WNT7B: variants seen among roughly 807,000 people sequenced by gnomAD.
WNT7B encodes the protein protein Wnt-7b.
WNT7B carries 19 observed loss-of-function variants against 38.2 expected under a neutral mutation model. That is an observed-to-expected ratio of 0.50 (90% CI 0.35 to 0.73). The LOEUF is 0.73. WNT7B is among the 30% of genes least tolerant of loss of function. The probability of loss-of-function intolerance (pLI) is 0.01; values close to 1 mark genes in which losing one functional copy is unlikely to be tolerated. For missense variants in WNT7B, 423 were observed against 507.9 expected, an observed-to-expected ratio of 0.83 and a Z score of 1.61; for synonymous variants, 243 against 209.3, an observed-to-expected ratio of 1.16 and a Z score of -1.39.
rs1932552697 is a variant in WNT7B at position 45,976,422 on chromosome 22, C to A, written c.71+262G>T. ...GAAAGTACGCGCCGGGCACGCTCGCCGCTACCCGCGAGCCCGGCCGGACCG... is the reference window on the plus strand; with the variant it reads ...GAAAGTACGCGCCGGGCACGCTCGCAGCTACCCGCGAGCCCGGCCGGACCG... On this transcript the variant is annotated intron_variant, in intron 1 of 3. Transcript: ENST00000339464. The surrounding 1 kb of genome is among the most constrained non-coding windows in gnomAD (Gnocchi z 8.5). Among the ~76,000 whole-genome samples the A allele has an allele frequency of 6.6e-6, 1 of 151,774 alleles. No individual in the cohort carries two copies. Among genetic ancestry groups the A allele is most frequent in the African/African-American group, 2.4e-5 (1 of 41,378 alleles).
chr22:45,956,426 G>A (rs774693557), intron 1 of WNT7B, among the ~76,000 whole-genome samples: 39 of 152,266 alleles, frequency 2.6e-4, no homozygotes, highest in Admixed American at 5.2e-4. Context: ...AGCCTCCCCC[G>A]GGAGATCAGG....
At chr22:45,960,476 C>T (rs1281141742) in intron 1 of WNT7B, among the ~76,000 whole-genome samples, 3 of 149,196 alleles carry the variant, frequency 2.0e-5, no homozygotes, top group Non-Finnish European at 4.5e-5. Flanking sequence ...CCCACCCCCC[C>T]AGCTGAGGGA....
In WNT7B at chr22:45,939,932, G is replaced by GGA. The variant is rs1931605157; in HGVS notation, c.299-8565_299-8564dup. On this transcript the variant is annotated intron_variant, in intron 2 of 3. Transcript: ENST00000339464. ...TTTCTATGAAATGCCCAGAGGAGCA[G>GGA]GAGTTGGAGAGTTAGACAGCACCTG... Among the ~76,000 whole-genome samples, 8 of 152,344 alleles carry GGA rather than the reference G, an allele frequency of 5.3e-5. No individual in the cohort carries two copies. In the South Asian group the frequency reaches 1.4e-3, roughly 28 times the overall value.
intron 3 of WNT7B, among the ~76,000 whole-genome samples, chr22:45,929,935 CTCATCCTT>C (rs1355246147): frequency 1.2e-3 from 59 of 49,392 alleles, no homozygotes; most frequent in African/African-American, 6.2e-3. Context: ...CATCCACCCA[CTCATCCTT>C]CCATCCATCC....
intron 1 of WNT7B, among the ~76,000 whole-genome samples, chr22:45,961,977 C>A (rs992583480): frequency 6.6e-6 from 1 of 152,214 alleles, no homozygotes; most frequent in African/African-American, 2.4e-5. Flanking sequence ...CTTTCCACGC[C>A]ACTGCTCTGC....
chr22:45,937,963 C>T (rs904346314), intron 2 of WNT7B, among the ~76,000 whole-genome samples: 5 of 151,910 alleles, frequency 3.3e-5, no homozygotes, highest in African/African-American at 1.2e-4. Flanking sequence ...GAGCCGAGAC[C>T]GCGCCATTGC....
Position 45,951,941 on chromosome 22 carries a change from C to G in WNT7B, c.72-1795G>C, listed in dbSNP as rs1424611540. 6.6e-6 allele frequency among the ~76,000 whole-genome samples: 1 copy of G among 152,190 alleles called. No individual in the cohort carries two copies. The highest frequency in any genetic ancestry group is 6.5e-5 in the Admixed American group (1 of 15,276). On this transcript the variant is annotated intron_variant, in intron 1 of 3. Coordinates refer to ENST00000339464, the MANE Select transcript of WNT7B (RefSeq NM_058238.3). The surrounding 1 kb of genome is among the most constrained non-coding windows in gnomAD (Gnocchi z 4.8). ...GTCCCTTCGCTTTCTGAGGACTTGC[C>G]GGACTGCCCTCCACAGCGGCTGCCC...
At chr22:45,926,562 C>A (rs909475490) in intron 3 of WNT7B, 1 of 985,388 alleles carries the variant, frequency 1.0e-6, no homozygotes, top group Non-Finnish European at 1.2e-6. Flanking sequence ...AGCCCAGGAG[C>A]CTGGCGTCCG....
rs1408300087 is a variant in WNT7B, at chr22:45,925,848, C to T, written c.571-2513G>A. ...CAGATGGGCCTGGATGGCCGGAGACCTGGCAGGCCTGTCCAGACTAGAGGG... is the reference window on the plus strand; with the variant it reads ...CAGATGGGCCTGGATGGCCGGAGACTTGGCAGGCCTGTCCAGACTAGAGGG... On this transcript the variant is annotated intron_variant, in intron 3 of 3. Coordinates refer to ENST00000339464, the MANE Select transcript of WNT7B (RefSeq NM_058238.3). 9 of 985,328 alleles carry T rather than the reference C, an allele frequency of 9.1e-6. No individual in the cohort carries two copies. The African/African-American group carries it at 1.2e-4, about 13-fold the overall frequency. The allele number at this position is 985,328 out of a possible 1,614,324, so 61.0% of individuals were successfully genotyped here.
intron 3 of WNT7B, among the ~76,000 whole-genome samples, chr22:45,929,901 TATCTACCCATCC>T (rs1931272494): frequency 1.2e-5 from 1 of 85,140 alleles, no homozygotes; most frequent in Non-Finnish European, 2.4e-5. Context: ...TCCACTCATC[TATCTACCCATCC>T]ATCTATCCTC....
rs1194290467 is a variant in WNT7B at position 45,966,297 on chromosome 22, G to T, written c.71+10387C>A. Among the ~76,000 whole-genome samples the T allele has an allele frequency of 6.6e-6, 1 of 152,196 alleles. No individual in the cohort carries two copies. Among genetic ancestry groups the T allele is most frequent in the African/African-American group, 2.4e-5 (1 of 41,440 alleles). On this transcript the variant is annotated intron_variant, in intron 1 of 3. Coordinates refer to ENST00000339464, the MANE Select transcript of WNT7B (RefSeq NM_058238.3). This position sits in a 1 kb window ranked among gnomAD's most constrained non-coding sequence, Gnocchi z 4.2. Reference sequence around the variant, plus strand: ...GCTTTGCCATCTGTCTCACCACGTGGGACTGCGCGGGCCTAAGTCTCAGCT... The same window carrying T: ...GCTTTGCCATCTGTCTCACCACGTGTGACTGCGCGGGCCTAAGTCTCAGCT...
At chr22:45,941,890 G>A (rs79379003) in intron 2 of WNT7B, among the ~76,000 whole-genome samples, 363 of 152,168 alleles carry the variant, frequency 2.4e-3, no homozygotes, top group Non-Finnish European at 3.9e-3. Flanking sequence ...GCTTTTGTGA[G>A]ATAGACTTCC....
rs991504013 is a variant in WNT7B, at chr22:45,921,041, C to A, written c.*1815G>T. 3 of 152,206 alleles carry A rather than the reference C, an allele frequency of 2.0e-5. No homozygotes were observed. Among genetic ancestry groups the A allele is most frequent in the African/African-American group, 7.2e-5 (3 of 41,404 alleles). 9.4% of individuals were successfully genotyped at this position (152,206 alleles called of 1,614,324 possible). A position where few individuals can be genotyped will look rare whatever the true frequency, so the allele number is the denominator to read the frequency against. On this transcript the variant is annotated 3_prime_UTR_variant, in exon 4 of 4. Coordinates refer to ENST00000339464, the MANE Select transcript of WNT7B (RefSeq NM_058238.3). ...CACAGGGCCAGAGCCCAGGAGGGAC[C>A]CACTTGCCCCAGGCTGAGCCCAGGC...
chr22:45,942,972 C>T lies in WNT7B; in HGVS notation c.298+6948G>A, dbSNP rs560840839. Among the ~76,000 whole-genome samples the T allele has an allele frequency of 6.1e-3, 879 of 143,042 alleles. 7 individuals are homozygous for T. Among genetic ancestry groups the T allele is most frequent in the African/African-American group, 0.024 (844 of 35,788 alleles). 93.8% of individuals were successfully genotyped at this position (143,042 alleles called of 152,430 possible). A position where few individuals can be genotyped will look rare whatever the true frequency, so the allele number is the denominator to read the frequency against. ...TGTGTGCAGTGTGCATGTGTGTGTGCGTGTGTGCAGTGTGCATGTGTGTAG... is the reference window on the plus strand; with the variant it reads ...TGTGTGCAGTGTGCATGTGTGTGTGTGTGTGTGCAGTGTGCATGTGTGTAG... On this transcript the variant is annotated intron_variant, in intron 2 of 3. Transcript: ENST00000339464.
intron 1 of WNT7B, among the ~76,000 whole-genome samples, chr22:45,962,866 G>T (rs9330807): frequency 0.59 from 89,285 of 152,194 alleles, 29,724 homozygotes; most frequent in East Asian, 0.82. Flanking sequence ...ATGGGTGGGT[G>T]GACAGACAGG....
rs1279870280 is a variant in WNT7B at position 45,976,198 on chromosome 22, G to A, written c.71+486C>T. 6.8e-6 allele frequency among the ~76,000 whole-genome samples: 1 copy of A among 146,124 alleles called. No homozygotes were observed. Among genetic ancestry groups the A allele is most frequent in the Non-Finnish European group, 1.5e-5 (1 of 65,726 alleles). On this transcript the variant is annotated intron_variant, in intron 1 of 3. Transcript: ENST00000339464. This position sits in a 1 kb window ranked among gnomAD's most constrained non-coding sequence, Gnocchi z 8.5. Reference sequence around the variant, plus strand: ...GGGTGATGGATAGAGACGAAGGGCCGCGGCGGGTGCCCCGGCCTGCGCGCT... The same window carrying A: ...GGGTGATGGATAGAGACGAAGGGCCACGGCGGGTGCCCCGGCCTGCGCGCT...
intron 3 of WNT7B, 137 bp from the exon 4 acceptor site, chr22:45,923,472 C>A: frequency 7.9e-7 from 1 of 1,260,198 alleles, no homozygotes; most frequent in South Asian, 1.6e-5. Context: ...AGTGTCTCTC[C>A]CTCTCTGACC....
intron 2 of WNT7B, among the ~76,000 whole-genome samples, chr22:45,949,483 G>A (rs868861181): frequency 6.6e-6 from 1 of 152,184 alleles, no homozygotes; most frequent in African/African-American, 2.4e-5. Flanking sequence ...ACTACCCCCT[G>A]CAGTAAGTGT....
intron 2 of WNT7B, among the ~76,000 whole-genome samples, chr22:45,943,829 G>A (rs975075808): frequency 6.6e-6 from 1 of 152,228 alleles, no homozygotes; most frequent in Non-Finnish European, 1.5e-5. Context: ...CTGAAAAGGC[G>A]GCAGGAGTTG....
Sources: gnomAD v4.1 joint callset for allele counts (sites outside exome capture counted in the v4.1 genomes callset) on GRCh38, gnomAD v4.1.1 for gene constraint, Gnocchi (gnomAD v3.1) non-coding constraint, MANE v1.5 for transcripts, NCBI Gene and HGNC (gene_info 2026-07-23, HGNC 2026-07-21) for gene names.